CTNNB1: variants seen among roughly 807,000 people sequenced by gnomAD.
CTNNB1 encodes catenin beta 1, also known as catenin beta-1.
A neutral mutation model predicts 82.5 loss-of-function variants in CTNNB1; 6 were observed. That is an observed-to-expected ratio of 0.07 (90% CI 0.04 to 0.14). The LOEUF (loss-of-function observed/expected upper bound fraction) is 0.14. Among genes scored for constraint, CTNNB1 ranks in the 10% least tolerant of loss-of-function variants. The pLI, the probability that CTNNB1 is intolerant of heterozygous loss-of-function variation, is 1.00. For missense variants in CTNNB1, 529 were observed against 980.4 expected (o/e 0.54, Z 6.15); for synonymous variants, 312 against 329.7 (o/e 0.95, Z 0.58).
At chr3:41,209,110 T>C (rs957639256) in intron 1 of CTNNB1, among the ~76,000 whole-genome samples, 1 of 152,232 alleles carries the variant, frequency 6.6e-6, no homozygotes, top group African/African-American at 2.4e-5. Context: ...CCACCATGTC[T>C]GTTAGCAGCT....
chr3:41,200,530 C>G (rs2077504239), intron 1 of CTNNB1: 1 of 152,186 alleles, frequency 6.6e-6, no homozygotes, highest in Non-Finnish European at 1.5e-5. Flanking sequence ...GCCTCTGACT[C>G]AGACCGCTTC....
chr3:41,223,560 G>GA (rs1156991174), intron 1 of CTNNB1, among the ~76,000 whole-genome samples: 1 of 152,010 alleles, frequency 6.6e-6, no homozygotes, highest in Admixed American at 6.6e-5. Context: ...CACTATATCA[G>GA]AAAACAACTT....
chr3:41,227,108 C>G, intron 6 of CTNNB1, 100 bp from the exon 7 acceptor site: 1 of 1,075,914 alleles, frequency 9.3e-7, no homozygotes, highest in Non-Finnish European at 1.4e-6. Flanking sequence ...GGCAAGCTGG[C>G]TGAAATTCTT....
intron 10 of CTNNB1, 132 bp from the exon 11 acceptor site, chr3:41,235,592 T>C (rs944348015): frequency 2.1e-5 from 26 of 1,212,464 alleles, no homozygotes; most frequent in African/African-American, 4.5e-5. Context: ...ATGGAATCCT[T>C]CTTCCTTCCT....
chr3:41,235,245 AAT>A lies in CTNNB1; in HGVS notation c.1684-477_1684-476del, dbSNP rs768622820. Reference sequence around the variant, plus strand: ...CTTCTATACATGAGGCTGTCAGCTGAATAGTCTTGGAAGAGTGAGGAGTGAAT... The same window carrying A: ...CTTCTATACATGAGGCTGTCAGCTGAAGTCTTGGAAGAGTGAGGAGTGAAT... On this transcript the variant is annotated intron_variant, in intron 10 of 14. Transcript: ENST00000349496. The A allele has an allele frequency of 7.9e-4, 148 of 187,292 alleles. 1 individual carries two copies. Among genetic ancestry groups the A allele is most frequent in the Non-Finnish European group, 2.4e-4 (21 of 88,734 alleles). 11.6% of individuals were successfully genotyped at this position (187,292 alleles called of 1,614,324 possible). A position where few individuals can be genotyped will look rare whatever the true frequency, so the allele number is the denominator to read the frequency against.
chr3:41,238,850 A>T (rs1365278976), intron 14 of CTNNB1, among the ~76,000 whole-genome samples: 1 of 152,188 alleles, frequency 6.6e-6, no homozygotes, highest in Non-Finnish European at 1.5e-5. Flanking sequence ...ACAGGGGTAA[A>T]TGCAGAGTGT....
intron 1 of CTNNB1, among the ~76,000 whole-genome samples, chr3:41,211,654 CAATA>C (rs1384555404): frequency 6.6e-6 from 1 of 152,148 alleles, no homozygotes; most frequent in African/African-American, 2.4e-5. Context: ...AATTTGCTTA[CAATA>C]AATAGTCTCC....
At chr3:41,209,124 C>T (rs1228912446) in intron 1 of CTNNB1, among the ~76,000 whole-genome samples, 1 of 152,122 alleles carries the variant, frequency 6.6e-6, no homozygotes, top group Non-Finnish European at 1.5e-5. Flanking sequence ...AGCAGCTTTT[C>T]CTCTTACTTC....
rs950986163 is a variant in CTNNB1, at chr3:41,233,265, G to A, written c.1082-76G>A. On this transcript the variant is annotated intron_variant, in intron 7 of 14. Coordinates refer to ENST00000349496, the MANE Select transcript of CTNNB1 (RefSeq NM_001904.4). ...GGAAATACAGAAGGACACCTCCTAA[G>A]GCTAGAACAGATATTTAGGATTGAT... 9.7e-6 allele frequency: 12 copies of A among 1,233,072 alleles called. No homozygotes were observed. The Admixed American group carries it at 1.9e-4, about 20-fold the overall frequency. The allele number at this position is 1,233,072 out of a possible 1,614,324, so 76.4% of individuals were successfully genotyped here.
chr3:41,217,161 C>T (rs559928804), intron 1 of CTNNB1, among the ~76,000 whole-genome samples: 2 of 152,282 alleles, frequency 1.3e-5, no homozygotes, highest in African/African-American at 4.8e-5. Context: ...TGAGTTCATT[C>T]CTTACTTTTC....
intron 1 of CTNNB1, among the ~76,000 whole-genome samples, chr3:41,209,919 CTG>C (rs1307634149): frequency 6.6e-6 from 1 of 152,160 alleles, no homozygotes; most frequent in Non-Finnish European, 1.5e-5. Flanking sequence ...TTTATAAACA[CTG>C]TACACTTGGG....
At chr3:41,217,656 CT>C (rs2077945965) in intron 1 of CTNNB1, among the ~76,000 whole-genome samples, 1 of 152,176 alleles carries the variant, frequency 6.6e-6, no homozygotes, top group South Asian at 2.1e-4. Flanking sequence ...ATAGTGGCAG[CT>C]TACTATCAAA....
rs1272312208 is a variant in CTNNB1, at chr3:41,239,626, A to T, written c.*284A>T. 2.0e-6 allele frequency: 1 copy of T among 493,138 alleles called. No individual in the cohort carries two copies. The highest frequency in any genetic ancestry group is 3.7e-6 in the Non-Finnish European group (1 of 269,372). 30.5% of individuals were successfully genotyped at this position (493,138 alleles called of 1,614,324 possible). On this transcript the variant is annotated 3_prime_UTR_variant, in exon 15 of 15. Transcript: ENST00000349496. Reference sequence around the variant, plus strand: ...TCAAATGAGTAACATTTGCTGTTTTAAACATTAATAGCAGCCTTTCTCTCT... The same window carrying T: ...TCAAATGAGTAACATTTGCTGTTTTTAACATTAATAGCAGCCTTTCTCTCT...
intron 1 of CTNNB1, among the ~76,000 whole-genome samples, chr3:41,215,755 C>G (rs17054111): frequency 0.024 from 3,688 of 152,074 alleles, 68 homozygotes; most frequent in Middle Eastern, 0.058. Flanking sequence ...ATTAATTCTG[C>G]CTGTAGTCTG....
At chr3:41,228,174 G>A (rs143585546) in intron 7 of CTNNB1, among the ~76,000 whole-genome samples, 1 of 152,166 alleles carries the variant, frequency 6.6e-6, no homozygotes, top group Non-Finnish European at 1.5e-5. Flanking sequence ...TAATGCTGCA[G>A]TGAACATATG....
intron 1 of CTNNB1, among the ~76,000 whole-genome samples, chr3:41,222,754 A>G (rs889474769): frequency 8.5e-5 from 13 of 152,232 alleles, no homozygotes; most frequent in African/African-American, 2.7e-4. Flanking sequence ...TGAAATAGCT[A>G]TATAGCCTAT....
At chr3:41,229,366 A>G (rs1229970642) in intron 7 of CTNNB1, among the ~76,000 whole-genome samples, 1 of 152,066 alleles carries the variant, frequency 6.6e-6, no homozygotes, top group African/African-American at 2.4e-5. Context: ...TGTTGGTGTC[A>G]TCTCTGATTT....
intron 1 of CTNNB1, among the ~76,000 whole-genome samples, chr3:41,217,210 G>A (rs1249202941): frequency 2.0e-5 from 3 of 151,842 alleles, no homozygotes; most frequent in Non-Finnish European, 4.4e-5. Context: ...CCATCTTTAC[G>A]TGGCCAGCTG....
chr3:41,210,338 G>A (rs980260064), intron 1 of CTNNB1, among the ~76,000 whole-genome samples: 5 of 151,938 alleles, frequency 3.3e-5, no homozygotes, highest in Admixed American at 6.5e-5. Flanking sequence ...CCTGTAGTCC[G>A]AGCTACTTGG....
Sources: gnomAD v4.1 joint callset for allele counts (sites outside exome capture counted in the v4.1 genomes callset) on GRCh38, gnomAD v4.1.1 for gene constraint, MANE v1.5 for transcripts, NCBI Gene and HGNC (gene_info 2026-07-23, HGNC 2026-07-21) for gene names.